The following LMAN1L variants were observed in gnomAD, a reference collection of about 807,000 sequenced individuals.
LMAN1L encodes protein ERGIC-53-like.
Under a neutral mutation model 58.3 loss-of-function variants are expected in LMAN1L, and 60 were observed. The ratio of observed to expected loss-of-function variants is 1.03; its 90% CI spans 0.84 to 1.27. LMAN1L has a LOEUF of 1.27. Ranked by LOEUF, LMAN1L falls within the 50% of genes most tolerant of loss-of-function variation. The probability of loss-of-function intolerance (pLI) is 0.00; values close to 1 mark genes in which losing one functional copy is unlikely to be tolerated. For missense variants in LMAN1L, 629 were observed against 674.0 expected (o/e 0.93, Z 0.74); for synonymous variants, 280 against 271.6 (o/e 1.03, Z -0.31).
intron 1 of LMAN1L, 30 bp downstream of exon 1, chr15:74,813,059 C>T (rs1177217525): frequency 1.3e-6 from 2 of 1,590,118 alleles, no homozygotes; most frequent in South Asian, 2.3e-5. Flanking sequence ...ACCAGCTATG[C>T]CCAGGGTCCC....
intron 1 of LMAN1L, among the ~76,000 whole-genome samples, chr15:74,815,529 C>T (rs546126335): frequency 8.7e-4 from 132 of 152,352 alleles, no homozygotes; most frequent in African/African-American, 3.0e-3. Flanking sequence ...ATCCTGCATT[C>T]TTTCATCGCA....
rs2063912972 is a variant in LMAN1L at position 74,820,759 on chromosome 15, AAGG to A, written c.902_904del (p.Gly301del). On this transcript the variant is annotated inframe_deletion, in exon 8 of 14. Coordinates refer to ENST00000309664, the MANE Select transcript of LMAN1L (RefSeq NM_021819.3). Reference sequence around the variant, plus strand: ...ACTCCAAAATCAGACTCTGAAGCTCAAGGAGAAGGTAGGGACCGAGAGAGCGGG... The same window carrying A: ...ACTCCAAAATCAGACTCTGAAGCTCAAGAAGGTAGGGACCGAGAGAGCGGG... 3 of 1,608,768 alleles carry A rather than the reference AAGG, an allele frequency of 1.9e-6. No homozygotes were observed. The East Asian group carries it at 6.7e-5, about 36-fold the overall frequency.
Position 74,819,053 on chromosome 15 carries a change from T to C in LMAN1L, c.598-99T>C, listed in dbSNP as rs1193595673. 7.7e-6 allele frequency: 11 copies of C among 1,423,668 alleles called. No homozygotes were observed. The East Asian group carries it at 2.5e-4, about 33-fold the overall frequency. The allele number at this position is 1,423,668 out of a possible 1,614,324, so 88.2% of individuals were successfully genotyped here. On this transcript the variant is annotated intron_variant, in intron 5 of 13. Transcript: ENST00000309664. ...GCGGGTCACCTCCATGCCATTCTGA[T>C]ACCAAGCCCTAGGGCCACCTGCCAT...
At chr15:74,824,576 G>A in intron 13 of LMAN1L, 98 bp downstream of exon 13, 1 of 1,411,950 alleles carries the variant, frequency 7.1e-7, no homozygotes, top group Non-Finnish European at 9.9e-7. Flanking sequence ...TCAGCTCAGA[G>A]GGGACCTGCC....
rs933029722 is a variant in LMAN1L, at chr15:74,825,531, G to A, written c.1507G>A (p.Gly503Ser). 5.0e-6 allele frequency: 8 copies of A among 1,613,582 alleles called. No homozygotes were observed. The African/African-American group carries it at 8.0e-5, about 16-fold the overall frequency. ...TCTGTCCACAGGCAGCCTTCCTCTG[G>A]GTCCTGCACCACACACCCCCAGGGC... ...ECLSTGSLPL[G>S]PAPHTPRALG... The change falls in exon 14 of 14, where the codon GGT (glycine) becomes AGT (serine). Residue 503 changes from glycine to serine, a missense_variant. Coordinates refer to ENST00000309664, the MANE Select transcript of LMAN1L (RefSeq NM_021819.3).
chr15:74,818,760 C>T lies in LMAN1L; in HGVS notation c.540C>T (p.Phe180=). 3.7e-6 allele frequency: 6 copies of T among 1,611,834 alleles called. No homozygotes were observed. The highest frequency in any genetic ancestry group is 5.1e-6 in the Non-Finnish European group (6 of 1,179,270). The change falls in exon 5 of 14, where the codon TTC becomes TTT. Residue 180 remains phenylalanine (F), a synonymous_variant. Transcript: ENST00000309664. ...SQGLGSCHWD[F]RNRPHPFRAR... ...GGCTGGGCTCCTGTCATTGGGACTT[C>T]CGGAACCGGCCACACCCCTTCAGAG...
chr15:74,825,436 G>C, intron 13 of LMAN1L, 40 bp from the exon 14 acceptor site: 1 of 1,584,164 alleles, frequency 6.3e-7, no homozygotes, highest in Non-Finnish European at 8.6e-7. Context: ...GCCCATAAAG[G>C]AGAGACGCAA....
Position 74,816,438 on chromosome 15 carries a change from C to T in LMAN1L, c.342C>T (p.Tyr114=). The T allele has an allele frequency of 1.3e-6, 2 of 1,556,544 alleles. No homozygotes were observed. The highest frequency in any genetic ancestry group is 1.2e-5 in the South Asian group (1 of 82,062). ...CTGGGGACCTGCAGGCCGTGTGGTA[C>T]ACCCGGGGCAGGGGCCATGTAGGCT... The part of the protein sequence containing the change: ...RRGAQGMAVW[Y]TRGRGHVGSV... The change falls in exon 3 of 14, where the codon TAC becomes TAT. Residue 114 remains tyrosine, a synonymous_variant. Transcript: ENST00000309664.
rs979957762 is a variant in LMAN1L at position 74,820,679 on chromosome 15, G to A, written c.819G>A (p.Ala273=). ...PFLEMQQLRL[A]RQLEGLWARL... ...TGGAGATGCAGCAGCTCCGCCTGGCGAGGCAGCTGGAAGGGCTGTGGGCAA... is the reference window on the plus strand; with the variant it reads ...TGGAGATGCAGCAGCTCCGCCTGGCAAGGCAGCTGGAAGGGCTGTGGGCAA... The change falls in exon 8 of 14, where the codon GCG becomes GCA. Residue 273 remains alanine (A), a synonymous_variant. Coordinates refer to ENST00000309664, the MANE Select transcript of LMAN1L (RefSeq NM_021819.3). 42 of 1,613,816 alleles carry A rather than the reference G, an allele frequency of 2.6e-5. No homozygotes were observed. The highest frequency in any genetic ancestry group is 3.3e-5 in the Admixed American group (2 of 59,990).
At position 74,814,377 on chromosome 15, in the gene LMAN1L, TG is replaced by T. The variant is rs1442607620; in HGVS notation, c.175+1349del. On this transcript the variant is annotated intron_variant, in intron 1 of 13. Coordinates refer to ENST00000309664, the MANE Select transcript of LMAN1L (RefSeq NM_021819.3). ...CGCAGCTAATTTTTGTTTTTGTTTT[TG>T]TTTTTTTTTTTTTGAGACGGAGTCT... 7.1e-5 allele frequency among the ~76,000 whole-genome samples: 9 copies of T among 125,922 alleles called. 1 individual carries two copies. In the South Asian group the frequency reaches 1.5e-3, roughly 21 times the overall value. 82.6% of individuals were successfully genotyped at this position (125,922 alleles called of 152,430 possible).
intron 7 of LMAN1L, 95 bp from the exon 8 acceptor site, chr15:74,820,540 G>A: frequency 6.5e-7 from 1 of 1,529,696 alleles, no homozygotes; most frequent in African/African-American, 1.4e-5. Flanking sequence ...GGCCAGGGAG[G>A]AAGGCTGGGC....
chr15:74,823,845 G>A (rs543895870), intron 12 of LMAN1L, 163 bp downstream of exon 12: 23 of 684,040 alleles, frequency 3.4e-5, no homozygotes, highest in African/African-American at 2.0e-4. Flanking sequence ...CTGTGTGTCC[G>A]TGCATACGTG....
Position 74,823,685 on chromosome 15 carries a change from G to A in LMAN1L, c.1323+3G>A. 1 of 1,612,740 alleles carries A rather than the reference G, an allele frequency of 6.2e-7. No individual in the cohort carries two copies. The highest frequency in any genetic ancestry group is 8.5e-7 in the Non-Finnish European group (1 of 1,179,710). ...AGGAGGAGCTTCGGGGCCCGGCGGT[G>A]AGGGGAAAGTAGTGGGCAGCATGGG... is the stretch of plus-strand genomic sequence containing the variant. On this transcript the variant is annotated splice_donor_region_variant and intron_variant, in intron 12 of 13. Coordinates refer to ENST00000309664, the MANE Select transcript of LMAN1L (RefSeq NM_021819.3).
chr15:74,816,778 C>T (rs1205232831), intron 4 of LMAN1L, 88 bp downstream of exon 4: 6 of 1,309,518 alleles, frequency 4.6e-6, no homozygotes, highest in South Asian at 2.7e-5. Flanking sequence ...CCCCAGCCTC[C>T]TCCAGCAGGG....
chr15:74,816,664 C>T lies in LMAN1L; in HGVS notation c.471C>T (p.Asp157=), dbSNP rs535407762. The T allele has an allele frequency of 8.7e-6, 14 of 1,613,930 alleles. No individual in the cohort carries two copies. The highest frequency in any genetic ancestry group is 6.7e-5 in the East Asian group (3 of 44,864). ...DSPAIRVLAS[D]GHIPSEQPGD... is the part of the protein sequence containing the mutation. ...CTGCCATCCGTGTGCTGGCCAGCGA[C>T]GGGCACATCCCCTCTGAGCAGCCTG... The change falls in exon 4 of 14, where the codon GAC becomes GAT. Residue 157 remains aspartate, a synonymous_variant. Transcript: ENST00000309664.
chr15:74,813,200 C>T, intron 1 of LMAN1L, 171 bp downstream of exon 1: 6 of 699,062 alleles, frequency 8.6e-6, no homozygotes, highest in Non-Finnish European at 1.2e-5. Context: ...TCCTGCTCCA[C>T]CGCCTCAACA....
In LMAN1L at chr15:74,824,097, T is replaced by C. The variant is rs567803964; in HGVS notation, c.1324-254T>C. 3.3e-5 allele frequency: 18 copies of C among 550,584 alleles called. No individual in the cohort carries two copies. In the East Asian group the frequency reaches 5.4e-4, roughly 16 times the overall value. The allele number at this position is 550,584 out of a possible 1,614,324, so 34.1% of individuals were successfully genotyped here. On this transcript the variant is annotated intron_variant, in intron 12 of 13. Transcript: ENST00000309664. ...TCTTTGGCTCTTTACTTCTCTCTTC[T>C]CTTCTCTTGAACCCTGGGCCCCTTG...
rs777649784 is a variant in LMAN1L, at chr15:74,821,122, A to G, written c.955A>G (p.Ile319Val). ...LEETLGRHRR[I>V]LQALRGLSKQ... The stretch of plus-strand genomic sequence containing the variant: ...GGAGACGCTGGGCAGACACCGCCGG[A>G]TCCTGCAGGCTCTGCGGGGTCTCTC... Residue 319 changes from isoleucine (I) to valine (V), a missense_variant, in exon 9 of 14, where the codon ATC becomes GTC. Physicochemically the swap from Ile to Val is conservative, Grantham distance 29. Coordinates refer to ENST00000309664, the MANE Select transcript of LMAN1L (RefSeq NM_021819.3). 1 of 1,568,138 alleles carries G rather than the reference A, an allele frequency of 6.4e-7. No homozygotes were observed.
rs771039883 is a variant in LMAN1L at position 74,816,661 on chromosome 15, C to G, written c.468C>G (p.Ser156Arg). Reference protein sequence around the residue: ...QDSPAIRVLASDGHIPSEQPG... With the variant: ...QDSPAIRVLARDGHIPSEQPG... ...GTCCTGCCATCCGTGTGCTGGCCAG[C>G]GACGGGCACATCCCCTCTGAGCAGC... The change falls in exon 4 of 14, where the codon AGC (serine) becomes AGG (arginine). Residue 156 changes from serine to arginine, a missense_variant. By Grantham distance (110) the Ser-to-Arg change is moderately radical. Coordinates refer to ENST00000309664, the MANE Select transcript of LMAN1L (RefSeq NM_021819.3). The G allele has an allele frequency of 1.2e-6, 2 of 1,613,900 alleles. No individual in the cohort carries two copies. Among genetic ancestry groups the G allele is most frequent in the Non-Finnish European group, 1.7e-6 (2 of 1,179,884 alleles).
Sources: allele counts gnomAD v4.1 joint callset (sites outside exome capture counted in the v4.1 genomes callset), GRCh38; gene constraint gnomAD v4.1.1; transcripts MANE v1.5; gene names NCBI Gene and HGNC (gene_info 2026-07-23, HGNC 2026-07-21).